The following AFF2 variants were observed in gnomAD, a reference collection of about 807,000 sequenced individuals.
AFF2 encodes the protein ALF transcription elongation factor 2, also known as AF4/FMR2 family member 2.
A neutral mutation model predicts 76.9 loss-of-function variants in AFF2; 14 were observed. The ratio of observed to expected loss-of-function variants is 0.18; its 90% CI spans 0.12 to 0.28. The LOEUF is 0.28. Ranked by LOEUF, AFF2 falls within the 10% of genes least tolerant of loss-of-function variation. The pLI is 1.00. For missense variants in AFF2, 868 were observed against 1,001.1 expected (o/e 0.87, Z 1.79); for synonymous variants, 398 against 366.7 (o/e 1.09, Z -0.98).
At chrX:148,683,096 G>C (rs1216730652) in intron 3 of AFF2, among the ~76,000 whole-genome samples, 1 of 111,852 alleles carries the variant, frequency 8.9e-6, no homozygotes, top group Non-Finnish European at 1.9e-5. Flanking sequence ...TGTGGTCTTG[G>C]ATTTTCTTGT....
chrX:148,717,647 A>G (rs782348706), intron 3 of AFF2, among the ~76,000 whole-genome samples: 28 of 111,861 alleles, frequency 2.5e-4, no homozygotes, highest in African/African-American at 8.4e-4. Flanking sequence ...GAAGGGTATC[A>G]CTGAACAGGT....
At chrX:148,817,599 C>T (rs2070281628) in intron 4 of AFF2, among the ~76,000 whole-genome samples, 1 of 111,795 alleles carries the variant, frequency 8.9e-6, no homozygotes, top group Admixed American at 9.5e-5. Flanking sequence ...GAAAAATTTG[C>T]AAAGTACTTT....
In AFF2 at chrX:148,755,299, T is replaced by C. The variant is rs370101468; in HGVS notation, c.1042-54577T>C. 4.5e-5 allele frequency among the ~76,000 whole-genome samples: 5 copies of C among 112,237 alleles called. No homozygotes were observed. The Admixed American group carries it at 4.7e-4, about 11-fold the overall frequency. On this transcript the variant is annotated intron_variant, in intron 3 of 20. Transcript: ENST00000370460. ...GCTTTGTCTGTGCTTAATTATGATA[T>C]TGAGTTACAGAAAAACGTTTCCCTT...
chrX:148,964,290 G>C, intron 13 of AFF2, among the ~76,000 whole-genome samples: 1 of 112,169 alleles, frequency 8.9e-6, no homozygotes, highest in Non-Finnish European at 1.9e-5. Flanking sequence ...TTAGGGCAGG[G>C]ATAGAGACAG....
At chrX:148,812,271 C>G (rs1192785990) in intron 4 of AFF2, among the ~76,000 whole-genome samples, 4 of 111,222 alleles carry the variant, frequency 3.6e-5, no homozygotes, top group Non-Finnish European at 7.5e-5. Context: ...AAACCCCTTT[C>G]TTAGGGAAAA....
chrX:148,930,286 T>A (rs1490684194), intron 9 of AFF2, among the ~76,000 whole-genome samples: 1 of 111,937 alleles, frequency 8.9e-6, no homozygotes, highest in Admixed American at 9.4e-5. Flanking sequence ...TTAGAAAATA[T>A]CCTATGAATC....
rs1557231522 is a variant in AFF2, at chrX:148,500,637, T to TGCTGCCGCCGCCGCCGCC, written c.-459_-458insTGCCGCCGCCGCCGCCGC. 1 of 73,753 alleles carries TGCTGCCGCCGCCGCCGCC rather than the reference T, an allele frequency of 1.4e-5. No homozygotes were observed. Among genetic ancestry groups the TGCTGCCGCCGCCGCCGCC allele is most frequent in the Non-Finnish European group, 2.6e-5 (1 of 38,085 alleles). The allele number at this position is 73,753 out of a possible 1,213,427, so 6.1% of individuals were successfully genotyped here. A position where few individuals can be genotyped will look rare whatever the true frequency, so the allele number is the denominator to read the frequency against. ...CCGCCGCCGCCGCCTGTGCAGCCGC[T>TGCTGCCGCCGCCGCCGCC]GCCGCCGCCGCCGCCGCCGCCGCCG... On this transcript the variant is annotated 5_prime_UTR_variant, in exon 1 of 21. Coordinates refer to ENST00000370460, the MANE Select transcript of AFF2 (RefSeq NM_002025.4).
Position 148,987,375 on chromosome X carries a change from C to T in AFF2, c.3632C>T (p.Pro1211Leu). 4 of 1,207,864 alleles carry T rather than the reference C, an allele frequency of 3.3e-6. No homozygotes were observed. The highest frequency in any genetic ancestry group is 4.5e-6 in the Non-Finnish European group (4 of 893,193). ...SPWVSNGKNT[P>L]SPVSLNNVSP... ...CTCTTTCCATTTCCCAGGAACACTC[C>T]ATCCCCAGTGTCTCTCAACAACGTC... Residue 1211 changes from proline (P) to leucine (L), a missense_variant, in exon 20 of 21, where the codon CCA (proline) becomes CTA (leucine). This residue lies in a region of AFF2 where 46 missense variants were observed against 40.8 expected (regional missense o/e 1.13). Coordinates refer to ENST00000370460, the MANE Select transcript of AFF2 (RefSeq NM_002025.4).
At chrX:148,818,212 A>G (rs782258079) in intron 4 of AFF2, among the ~76,000 whole-genome samples, 37 of 112,245 alleles carry the variant, frequency 3.3e-4, no homozygotes, top group African/African-American at 1.1e-3. Flanking sequence ...ACCAGAAACA[A>G]ATTAACTGAA....
intron 1 of AFF2, among the ~76,000 whole-genome samples, chrX:148,645,928 A>G (rs1390491693): frequency 3.6e-5 from 4 of 112,058 alleles, no homozygotes; most frequent in Non-Finnish European, 7.5e-5. Flanking sequence ...AGGAATATCC[A>G]TACAGTGGAA....
chrX:148,823,086 G>T lies in AFF2; in HGVS notation c.1086+13166G>T, dbSNP rs1234651776. Among the ~76,000 whole-genome samples the T allele has an allele frequency of 1.7e-4, 19 of 111,440 alleles. No individual in the cohort carries two copies. In the Admixed American group the frequency reaches 1.8e-3, roughly 11 times the overall value. ...CTCCCAGCACATCCTCACACCCCTA[G>T]TGCTTTTGATGCAAAAGTGAATAGC... On this transcript the variant is annotated intron_variant, in intron 4 of 20. Coordinates refer to ENST00000370460, the MANE Select transcript of AFF2 (RefSeq NM_002025.4).
At chrX:148,743,242 G>A (rs941666851) in intron 3 of AFF2, among the ~76,000 whole-genome samples, 1 of 111,954 alleles carries the variant, frequency 8.9e-6, no homozygotes, top group African/African-American at 3.2e-5. Context: ...GCATGAATGA[G>A]GTGTTTTTCA....
intron 1 of AFF2, among the ~76,000 whole-genome samples, chrX:148,526,090 G>C (rs1055301862): frequency 1.8e-5 from 2 of 111,736 alleles, no homozygotes; most frequent in African/African-American, 6.5e-5. Context: ...AAGAAGATCA[G>C]TTGGCAGAAA....
At chrX:148,899,634 T>A (rs1569556812) in intron 8 of AFF2, among the ~76,000 whole-genome samples, 1 of 112,126 alleles carries the variant, frequency 8.9e-6, no homozygotes, top group Non-Finnish European at 1.9e-5. Flanking sequence ...AAAAACCCAG[T>A]TTGGATGTAT....
intron 9 of AFF2, among the ~76,000 whole-genome samples, chrX:148,929,768 G>A (rs1173216369): frequency 1.8e-5 from 2 of 111,773 alleles, no homozygotes; most frequent in Non-Finnish European, 3.8e-5. Flanking sequence ...AGGAAACCCA[G>A]ATTCAAGTTG....
chrX:148,850,617 T>G (rs1198622020), intron 7 of AFF2, among the ~76,000 whole-genome samples: 3 of 112,420 alleles, frequency 2.7e-5, no homozygotes, highest in South Asian at 3.7e-4. Flanking sequence ...CATAGACATA[T>G]GCACACTCTT....
chrX:148,614,742 C>T (rs1384090933), intron 1 of AFF2, among the ~76,000 whole-genome samples: 2 of 26,925 alleles, frequency 7.4e-5, no homozygotes, highest in African/African-American at 1.6e-4. Flanking sequence ...TCCTTCTTTT[C>T]TTTCTTTCTT....
At chrX:148,967,219 C>A in intron 14 of AFF2, 140 bp downstream of exon 14, 1 of 889,304 alleles carries the variant, frequency 1.1e-6, no homozygotes, top group Non-Finnish European at 1.5e-6. Flanking sequence ...GTCCACCCCA[C>A]CCCCTGCATA....
intron 3 of AFF2, among the ~76,000 whole-genome samples, chrX:148,797,639 A>G (rs782396945): frequency 2.7e-5 from 3 of 112,036 alleles, no homozygotes; most frequent in East Asian, 5.6e-4. Flanking sequence ...CACCAGATCC[A>G]TGGACAGTTT....
Sources: allele counts gnomAD v4.1 joint callset (sites outside exome capture counted in the v4.1 genomes callset), GRCh38; gene constraint gnomAD v4.1.1; regional missense constraint gnomAD v4.1.1; transcripts MANE v1.5; gene names NCBI Gene and HGNC (gene_info 2026-07-23, HGNC 2026-07-21).